TBC1D16: variants seen among roughly 807,000 people sequenced by gnomAD.
The protein encoded by TBC1D16 is TBC1 domain family member 16.
A neutral mutation model predicts 74.7 loss-of-function variants in TBC1D16; 58 were observed. That is an observed-to-expected ratio of 0.78 (90% CI 0.63 to 0.97). The LOEUF (loss-of-function observed/expected upper bound fraction) is 0.97, where lower values mean the gene tolerates loss of function less well. TBC1D16 is among the 50% of genes least tolerant of loss of function. The probability of loss-of-function intolerance (pLI) is 0.00; values close to 1 mark genes in which losing one functional copy is unlikely to be tolerated. For missense variants in TBC1D16, 1,014 were observed against 1,079.5 expected (o/e 0.94, Z 0.85); for synonymous variants, 493 against 474.7 (o/e 1.04, Z -0.50).
intron 1 of TBC1D16, among the ~76,000 whole-genome samples, chr17:80,021,565 T>A (rs935743758): frequency 6.7e-6 from 1 of 149,672 alleles, no homozygotes; most frequent in Non-Finnish European, 1.5e-5. Context: ...TAAGCTGAGA[T>A]GGAATTTTCA....
chr17:80,029,945 C>T (rs78642449), intron 1 of TBC1D16, among the ~76,000 whole-genome samples: 8,484 of 152,080 alleles, frequency 0.056, 723 homozygotes, highest in African/African-American at 0.18. Context: ...TCCTTGCTCT[C>T]GACCCCTTCC....
chr17:79,964,437 A>T (rs1248676635), intron 3 of TBC1D16, among the ~76,000 whole-genome samples: 1 of 152,166 alleles, frequency 6.6e-6, no homozygotes, highest in Non-Finnish European at 1.5e-5. Context: ...TAAATTTTTC[A>T]TGAGGTCCAG....
In TBC1D16 at chr17:79,975,259, GGAA is replaced by G. The variant is rs933203029; in HGVS notation, c.780-22444_780-22442del. 2.0e-5 allele frequency among the ~76,000 whole-genome samples: 3 copies of G among 152,212 alleles called. No individual in the cohort carries two copies. Among genetic ancestry groups the G allele is most frequent in the Non-Finnish European group, 2.9e-5 (2 of 68,032 alleles). On this transcript the variant is annotated intron_variant, in intron 3 of 11. Transcript: ENST00000310924. The surrounding 1 kb of genome is among the most constrained non-coding windows in gnomAD (Gnocchi z 4.5). ...AGGAAAGCTAGTCTTTGGGATTCAAGGAAGAACAAAACAAACCCGATCTCCTGT... is the reference window on the plus strand; with the variant it reads ...AGGAAAGCTAGTCTTTGGGATTCAAGGAACAAAACAAACCCGATCTCCTGT...
In TBC1D16 at chr17:79,995,763, C is replaced by T. The variant is rs188190936; in HGVS notation, c.779+14397G>A. Among the ~76,000 whole-genome samples the T allele has an allele frequency of 4.4e-3, 673 of 151,746 alleles. 4 individuals are homozygous for T. Among genetic ancestry groups the T allele is most frequent in the South Asian group, 0.016 (79 of 4,794 alleles). On this transcript the variant is annotated intron_variant, in intron 3 of 11. Coordinates refer to ENST00000310924, the MANE Select transcript of TBC1D16 (RefSeq NM_019020.4). ...TCGCGCCCCTGCACTCCAACCTGGG[C>T]GACAGAGCGAAACTCTGTCTCAAAA...
chr17:80,005,521 G>A (rs942959902), intron 3 of TBC1D16, among the ~76,000 whole-genome samples: 1 of 152,218 alleles, frequency 6.6e-6, no homozygotes, highest in Non-Finnish European at 1.5e-5. Flanking sequence ...CACTGAGGAG[G>A]GCACAGGACC....
At chr17:80,019,306 T>C (rs1392885683) in intron 1 of TBC1D16, among the ~76,000 whole-genome samples, 1 of 149,886 alleles carries the variant, frequency 6.7e-6, no homozygotes, top group Non-Finnish European at 1.5e-5. Context: ...ACAGTGCAGC[T>C]TTACGGAGGA....
intron 3 of TBC1D16, among the ~76,000 whole-genome samples, chr17:79,989,298 G>A (rs1257644785): frequency 6.6e-6 from 1 of 152,224 alleles, no homozygotes; most frequent in Non-Finnish European, 1.5e-5. Flanking sequence ...CCTGCCCGAC[G>A]GGTTTTATCA....
intron 3 of TBC1D16, among the ~76,000 whole-genome samples, chr17:79,997,796 G>C (rs952375327): frequency 1.9e-4 from 29 of 152,316 alleles, no homozygotes; most frequent in African/African-American, 6.5e-4. Flanking sequence ...CAGAGACACA[G>C]TGGCAGGCGT....
chr17:79,972,931 A>C (rs148050614), intron 3 of TBC1D16, among the ~76,000 whole-genome samples: 23 of 152,202 alleles, frequency 1.5e-4, no homozygotes, highest in African/African-American at 5.3e-4. Flanking sequence ...AAATACAAAA[A>C]ATTAGCCAGG....
chr17:79,992,634 C>T (rs949930587), intron 3 of TBC1D16, among the ~76,000 whole-genome samples: 4 of 152,232 alleles, frequency 2.6e-5, no homozygotes, highest in African/African-American at 7.2e-5. Context: ...ACCACCCACC[C>T]GGTTTTCGGG....
At chr17:79,978,234 A>G (rs967576714) in intron 3 of TBC1D16, among the ~76,000 whole-genome samples, 3 of 152,348 alleles carry the variant, frequency 2.0e-5, no homozygotes, top group East Asian at 3.9e-4. Context: ...TCCTCGCGGC[A>G]TGGGCGGCAC....
chr17:79,977,526 G>A (rs1053159238), intron 3 of TBC1D16, among the ~76,000 whole-genome samples: 4 of 152,380 alleles, frequency 2.6e-5, no homozygotes, highest in East Asian at 3.9e-4. Flanking sequence ...GGCCTGGCAC[G>A]CAGCAGGATG....
At chr17:79,943,614 G>A (rs1454520107) in intron 10 of TBC1D16, among the ~76,000 whole-genome samples, 2 of 138,256 alleles carry the variant, frequency 1.4e-5, no homozygotes, top group African/African-American at 5.6e-5. Flanking sequence ...GGATGGGACC[G>A]ACCGTGGCTA....
At chr17:79,947,406 C>T (rs2032634153) in intron 9 of TBC1D16, among the ~76,000 whole-genome samples, 2 of 152,178 alleles carry the variant, frequency 1.3e-5, no homozygotes, top group African/African-American at 4.8e-5. Context: ...GGGTGGAAGG[C>T]CACCAGAGCG....
chr17:79,950,663 C>A lies in TBC1D16; in HGVS notation c.1090-85G>T. 1 of 1,559,554 alleles carries A rather than the reference C, an allele frequency of 6.4e-7. No homozygotes were observed. Among genetic ancestry groups the A allele is most frequent in the Non-Finnish European group, 8.7e-7 (1 of 1,150,410 alleles). ...GCAGTGCTTTTCCCAGGAATAAAAG[C>A]CTCTCTCTCTTCTGAAAGGAGGGCA... On this transcript the variant is annotated intron_variant, in intron 5 of 11. Coordinates refer to ENST00000310924, the MANE Select transcript of TBC1D16 (RefSeq NM_019020.4). This position sits in a 1 kb window ranked among gnomAD's most constrained non-coding sequence, Gnocchi z 4.6.
intron 3 of TBC1D16, among the ~76,000 whole-genome samples, chr17:79,976,650 A>AGGGATGC (rs1323260367): frequency 6.6e-6 from 1 of 152,230 alleles, no homozygotes; most frequent in Non-Finnish European, 1.5e-5. Flanking sequence ...CTGACTCAGC[A>AGGGATGC]GGGATGCTGG....
intron 8 of TBC1D16, 123 bp downstream of exon 8, chr17:79,948,749 T>C (rs991450021): frequency 7.7e-6 from 10 of 1,292,930 alleles, no homozygotes; most frequent in Non-Finnish European, 1.1e-5. Context: ...TCTGGGGCTT[T>C]GATGTATGAA....
intron 3 of TBC1D16, among the ~76,000 whole-genome samples, chr17:79,967,600 C>G (rs1360116586): frequency 1.3e-5 from 2 of 152,104 alleles, no homozygotes; most frequent in Non-Finnish European, 2.9e-5. Context: ...AAATTAAAGA[C>G]CTAAATAATC....
chr17:79,941,108 C>T lies in TBC1D16; in HGVS notation c.2056-1G>A. 1 of 1,568,338 alleles carries T rather than the reference C, an allele frequency of 6.4e-7. No homozygotes were observed. Among genetic ancestry groups the T allele is most frequent in the Non-Finnish European group, 8.7e-7 (1 of 1,152,874 alleles). On this transcript the variant is annotated splice_acceptor_variant, in intron 11 of 11. Coordinates refer to ENST00000310924, the MANE Select transcript of TBC1D16 (RefSeq NM_019020.4). LOFTEE classifies it high-confidence loss of function. The surrounding 1 kb of genome is among the most constrained non-coding windows in gnomAD (Gnocchi z 4.3). ...GGAACTGGTACAGCAAACTCCTCGC[C>T]TGCAGACAGAGGACGGGGGGTGAGG...
Sources: gnomAD v4.1 joint callset for allele counts (sites outside exome capture counted in the v4.1 genomes callset) on GRCh38, gnomAD v4.1.1 for gene constraint, Gnocchi (gnomAD v3.1) non-coding constraint, MANE v1.5 for transcripts, NCBI Gene and HGNC (gene_info 2026-07-23, HGNC 2026-07-21) for gene names.